Variants in FIRRM observed in about 807,000 individuals in gnomAD.
The protein encoded by FIRRM is FIGNL1-interacting regulator of recombination and mitosis.
At chr1:169,850,385 A>ATTT in the FIRRM span, 7 of 1,129,930 alleles carry the variant, frequency 6.2e-6, no homozygotes, top group Non-Finnish European at 8.5e-6. Flanking sequence ...TCTTTGTCCT[A>ATTT]TTTTTTTTTT....
the FIRRM span, among the ~76,000 whole-genome samples, chr1:169,840,922 T>C: frequency 6.6e-6 from 1 of 152,186 alleles, no homozygotes; most frequent in African/African-American, 2.4e-5. Flanking sequence ...CTTCTTTTCG[T>C]ACTTGTGTGC....
the FIRRM span, among the ~76,000 whole-genome samples, chr1:169,794,214 T>C: frequency 8.5e-4 from 129 of 152,348 alleles, no homozygotes; most frequent in African/African-American, 2.9e-3. Context: ...TTGCTGTCTT[T>C]CAGCTGTCTT....
the FIRRM span, among the ~76,000 whole-genome samples, chr1:169,833,803 G>A: frequency 2.6e-5 from 4 of 151,086 alleles, no homozygotes; most frequent in Non-Finnish European, 5.9e-5. Flanking sequence ...GGGACTGGGA[G>A]GGAAAGGGTC....
the FIRRM span, among the ~76,000 whole-genome samples, chr1:169,784,487 A>G: frequency 9.9e-5 from 15 of 152,150 alleles, no homozygotes; most frequent in Middle Eastern, 6.8e-3. Flanking sequence ...ATGCAATTCC[A>G]TATGTGTTTC....
the FIRRM span, among the ~76,000 whole-genome samples, chr1:169,847,457 G>A: frequency 2.0e-5 from 3 of 151,578 alleles, no homozygotes; most frequent in Admixed American, 1.3e-4. Flanking sequence ...TATTTTTTAC[G>A]TGGTTGGAGG....
At chr1:169,854,030 C>T in the FIRRM span, 2 of 566,312 alleles carry the variant, frequency 3.5e-6, no homozygotes. Flanking sequence ...TTATTTTAAT[C>T]CCTTTTTTTT....
At chr1:169,829,482 T>C in the FIRRM span, 218 of 1,546,052 alleles carry the variant, frequency 1.4e-4, 1 homozygote, top group African/African-American at 2.0e-3. Flanking sequence ...TAAGCTAAGG[T>C]TACACTTTTG....
chr1:169,836,871 A>G, the FIRRM span: 2 of 1,324,684 alleles, frequency 1.5e-6, no homozygotes, highest in African/African-American at 1.5e-5. Flanking sequence ...GCTTTTGTGT[A>G]TCCATTCCTC....
the FIRRM span, chr1:169,849,485 G>T: frequency 6.3e-7 from 1 of 1,585,490 alleles, no homozygotes; most frequent in Non-Finnish European, 8.6e-7. Flanking sequence ...TTATAATAAG[G>T]CTTGGTTCTT....
chr1:169,798,247 C>T, the FIRRM span, among the ~76,000 whole-genome samples: 1 of 151,446 alleles, frequency 6.6e-6, no homozygotes, highest in African/African-American at 2.4e-5. Flanking sequence ...TGTCACCGCA[C>T]TCCATCCTGG....
chr1:169,827,619 C>CA, the FIRRM span: 2 of 1,399,884 alleles, frequency 1.4e-6, no homozygotes, highest in South Asian at 2.5e-5. Context: ...GGCTGGGTGA[C>CA]AGAGTGAGAC....
At chr1:169,816,641 A>G in the FIRRM span, among the ~76,000 whole-genome samples, 2 of 152,210 alleles carry the variant, frequency 1.3e-5, no homozygotes, top group Admixed American at 1.3e-4. Context: ...TGAATTGGGT[A>G]AATTCCTTTC....
the FIRRM span, among the ~76,000 whole-genome samples, chr1:169,823,985 G>A: frequency 1.3e-5 from 2 of 152,138 alleles, no homozygotes; most frequent in Non-Finnish European, 2.9e-5. Flanking sequence ...CCTCCAAAGA[G>A]CCCTAAATTT....
chr1:169,853,002 C>G, the FIRRM span: 6 of 1,612,232 alleles, frequency 3.7e-6, no homozygotes, highest in Non-Finnish European at 5.1e-6. Flanking sequence ...TATCACTAGG[C>G]AGAACTGGGT....
the FIRRM span, chr1:169,793,054 G>C: frequency 6.2e-7 from 1 of 1,614,170 alleles, no homozygotes; most frequent in Admixed American, 1.7e-5. Flanking sequence ...AATCTTGAAA[G>C]TGAATTTCTT....
chr1:169,799,024 G>A, the FIRRM span: 4 of 596,014 alleles, frequency 6.7e-6, no homozygotes, highest in Admixed American at 5.9e-5. Flanking sequence ...CACATACCTC[G>A]GTAGATGTGT....
the FIRRM span, chr1:169,804,240 G>A: frequency 6.7e-7 from 1 of 1,485,886 alleles, no homozygotes; most frequent in South Asian, 1.5e-5. Context: ...TATGGTAATA[G>A]GTGAGTGAAG....
the FIRRM span, chr1:169,847,569 T>C: frequency 1.5e-6 from 1 of 677,398 alleles, no homozygotes; most frequent in Non-Finnish European, 2.6e-6. Context: ...GTGTGTTTGT[T>C]TTTTTCTGGG....
At chr1:169,845,613 C>T in the FIRRM span, among the ~76,000 whole-genome samples, 1 of 152,208 alleles carries the variant, frequency 6.6e-6, no homozygotes, top group Non-Finnish European at 1.5e-5. Context: ...ACAATGTTCA[C>T]ACCATCTTCT....
Sources: allele counts gnomAD v4.1 joint callset (sites outside exome capture counted in the v4.1 genomes callset), GRCh38; gene constraint gnomAD v4.1.1; transcripts MANE v1.5; gene names NCBI Gene and HGNC (gene_info 2026-07-23, HGNC 2026-07-21).